Variants in ZNF516 observed in about 807,000 individuals in gnomAD.
ZNF516 encodes zinc finger protein 516.
In ZNF516, 19 loss-of-function variants were observed where a neutral mutation model predicts 79.7. That is an observed-to-expected ratio of 0.24 (90% CI 0.17 to 0.35). The LOEUF (loss-of-function observed/expected upper bound fraction) is 0.35, where lower values mean the gene tolerates loss of function less well. Ranked by LOEUF, ZNF516 falls within the 10% of genes least tolerant of loss-of-function variation. The pLI, the probability that ZNF516 is intolerant of heterozygous loss-of-function variation, is 1.00. For missense variants in ZNF516, 1,678 were observed against 1,679.5 expected (o/e 1.00, Z 0.02); for synonymous variants, 877 against 739.5 (o/e 1.19, Z -3.02).
intron 3 of ZNF516, among the ~76,000 whole-genome samples, chr18:76,411,753 T>C (rs904984331): frequency 1.3e-5 from 2 of 152,054 alleles, no homozygotes; most frequent in Non-Finnish European, 2.9e-5. Flanking sequence ...TCCTTTTTCA[T>C]CCACAAAATG....
chr18:76,495,634 AGGCTGCTGCAGCCCC>A, upstream of ZNF516: 2 of 822,522 alleles, frequency 2.4e-6, no homozygotes, highest in Non-Finnish European at 3.2e-6. Flanking sequence ...TCAAGGTCTA[AGGCTGCTGCAGCCCC>A]GGCTCCCGGA....
At chr18:76,406,712 G>A (rs543631767) in intron 3 of ZNF516, among the ~76,000 whole-genome samples, 7 of 152,280 alleles carry the variant, frequency 4.6e-5, no homozygotes, top group Admixed American at 3.3e-4. Context: ...TCGCCAACAC[G>A]TTCCTGTAGA....
At chr18:76,452,371 C>A (rs1912466795) in intron 2 of ZNF516, among the ~76,000 whole-genome samples, 1 of 152,148 alleles carries the variant, frequency 6.6e-6, no homozygotes. Flanking sequence ...TTACTTAGCA[C>A]CCCCCAAATA....
intron 3 of ZNF516, chr18:76,386,981 T>C (rs1017093452): frequency 6.6e-6 from 1 of 152,238 alleles, no homozygotes; most frequent in Admixed American, 6.5e-5. Flanking sequence ...AAATTCTCAC[T>C]GGACTGATCT....
intron 1 of ZNF516, among the ~76,000 whole-genome samples, chr18:76,483,033 A>G (rs908715554): frequency 1.1e-4 from 16 of 152,108 alleles, no homozygotes; most frequent in African/African-American, 3.6e-4. Context: ...GAATTTACTA[A>G]TTTTTTTCCT....
intron 1 of ZNF516, among the ~76,000 whole-genome samples, chr18:76,480,530 T>TATATATTG (rs755045197): frequency 4.3e-5 from 1 of 23,416 alleles, no homozygotes; most frequent in Non-Finnish European, 7.5e-5. Context: ...CACACATATA[T>TATATATTG]TTTTTTTTTT....
chr18:76,442,983 G>C lies in ZNF516; in HGVS notation c.72C>G (p.His24Gln). ...AGGTAGCCTTGTCCCCATCCACCTC[G>C]TGGCCCCGGCCGGCCCTGGTGGGGC... The part of the protein sequence containing the change: ...GPSPTRAGRG[H>Q]EVDGDKATCH... The change falls in exon 3 of 7, where the codon CAC becomes CAG. Residue 24 changes from histidine (H) to glutamine (Q), a missense_variant. Physicochemically the swap from His to Gln is conservative, Grantham distance 24 (BLOSUM62 0). Coordinates refer to ENST00000443185, the MANE Select transcript of ZNF516 (RefSeq NM_014643.4). The C allele has an allele frequency of 1.9e-6, 3 of 1,605,000 alleles. No individual in the cohort carries two copies. Among genetic ancestry groups the C allele is most frequent in the Non-Finnish European group, 2.5e-6 (3 of 1,179,672 alleles).
At chr18:76,367,993 T>C (rs1278803105) in intron 6 of ZNF516, among the ~76,000 whole-genome samples, 1 of 152,194 alleles carries the variant, frequency 6.6e-6, no homozygotes, top group Non-Finnish European at 1.5e-5. Context: ...CCATGATCCC[T>C]AGCATCTAAA....
intron 1 of ZNF516, among the ~76,000 whole-genome samples, chr18:76,473,524 G>A (rs1424259919): frequency 6.6e-6 from 1 of 152,140 alleles, no homozygotes; most frequent in Admixed American, 6.5e-5. Flanking sequence ...GTAGTTGGCT[G>A]GGTGCGGTGG....
intron 1 of ZNF516, among the ~76,000 whole-genome samples, chr18:76,474,283 A>G (rs1163807381): frequency 6.6e-6 from 1 of 152,208 alleles, no homozygotes; most frequent in Non-Finnish European, 1.5e-5. Flanking sequence ...ACAATTTGCT[A>G]TTTTGCTAAA....
chr18:76,462,368 G>C (rs1310997930), intron 2 of ZNF516, among the ~76,000 whole-genome samples: 2 of 152,192 alleles, frequency 1.3e-5, no homozygotes, highest in Non-Finnish European at 2.9e-5. Flanking sequence ...GTTCCCACAA[G>C]GGACCTACAG....
intron 3 of ZNF516, among the ~76,000 whole-genome samples, chr18:76,438,326 G>A (rs945572012): frequency 2.0e-5 from 3 of 152,206 alleles, no homozygotes; most frequent in Non-Finnish European, 4.4e-5. Context: ...TTTTTCCTTA[G>A]TGATGGTTTC....
Position 76,380,239 on chromosome 18 carries a change from G to C in ZNF516, c.1875C>G (p.Asp625Glu). Residue 625 changes from aspartate (D) to glutamate (E), a missense_variant, in exon 4 of 7, where the codon GAC becomes GAG. This residue lies in a region of ZNF516 where 1,294 missense variants were observed against 1,248.3 expected (regional missense o/e 1.04). Transcript: ENST00000443185. ...EVTSTELSSGDQSHKMGDNAS... is the reference protein window; with the variant it reads ...EVTSTELSSGEQSHKMGDNAS... ...CGTTATCTCCCATCTTGTGACTCTG[G>C]TCTCCACTGGAGAGCTCGGTCGAAG... The C allele has an allele frequency of 6.2e-7, 1 of 1,613,918 alleles. No homozygotes were observed. Among genetic ancestry groups the C allele is most frequent in the Non-Finnish European group, 8.5e-7 (1 of 1,179,884 alleles).
chr18:76,371,309 C>T (rs751483400), intron 5 of ZNF516, among the ~76,000 whole-genome samples, 158 bp downstream of exon 5: 3 of 152,322 alleles, frequency 2.0e-5, no homozygotes, highest in East Asian at 1.9e-4. Flanking sequence ...GGAGTGGGGG[C>T]GGCCTGTATA....
At chr18:76,476,148 A>AGTG (rs141249537) in intron 1 of ZNF516, among the ~76,000 whole-genome samples, 1,549 of 152,328 alleles carry the variant, frequency 0.01, 25 homozygotes, top group African/African-American at 0.034. Context: ...TGTTGCCCTA[A>AGTG]GTATTTGGCT....
At chr18:76,433,314 G>A (rs2075686541) in intron 3 of ZNF516, among the ~76,000 whole-genome samples, 1 of 152,206 alleles carries the variant, frequency 6.6e-6, no homozygotes, top group African/African-American at 2.4e-5. Context: ...TCATCAAGGT[G>A]CAGCTCCAGC....
intron 3 of ZNF516, among the ~76,000 whole-genome samples, chr18:76,434,117 C>T (rs77465874): frequency 0.018 from 2,727 of 152,304 alleles, 39 homozygotes; most frequent in African/African-American, 0.038. Flanking sequence ...TTACCAGGAG[C>T]GATCCTGCCT....
intron 6 of ZNF516, among the ~76,000 whole-genome samples, chr18:76,363,254 A>C (rs2074564552): frequency 1.3e-5 from 2 of 152,230 alleles, no homozygotes; most frequent in African/African-American, 4.8e-5. Context: ...GATTAATCTT[A>C]CTTAACTGCA....
intron 4 of ZNF516, 119 bp downstream of exon 4, chr18:76,378,734 TGG>T: frequency 7.1e-7 from 1 of 1,398,894 alleles, no homozygotes; most frequent in South Asian, 1.5e-5. Context: ...AGCAGTGGGA[TGG>T]GGCCGGCTGG....
Sources: allele counts gnomAD v4.1 joint callset (sites outside exome capture counted in the v4.1 genomes callset), GRCh38; gene constraint gnomAD v4.1.1; regional missense constraint gnomAD v4.1.1; transcripts MANE v1.5; gene names NCBI Gene and HGNC (gene_info 2026-07-23, HGNC 2026-07-21).